Variants in BABAM2 observed in about 807,000 individuals in gnomAD.
BABAM2 encodes the protein BRISC and BRCA1-A complex member 2.
Under a neutral mutation model 54.7 loss-of-function variants are expected in BABAM2, and 31 were observed. The observed-to-expected ratio is 0.57, with a 90% CI of 0.43 to 0.77. The LOEUF is 0.77. Ranked by LOEUF, BABAM2 falls within the 30% of genes least tolerant of loss-of-function variation. BABAM2 has a pLI of 0.00. For missense variants in BABAM2, 364 were observed against 455.8 expected, an observed-to-expected ratio of 0.80 and a Z score of 1.83; for synonymous variants, 167 against 162.9, an observed-to-expected ratio of 1.03 and a Z score of -0.19.
intron 7 of BABAM2, among the ~76,000 whole-genome samples, chr2:28,223,417 C>T (rs578173564): frequency 1.3e-5 from 2 of 152,304 alleles, no homozygotes; most frequent in African/African-American, 4.8e-5. Context: ...GCCAGGCACC[C>T]GGGCTTGGCA....
chr2:27,929,963 G>A, intron 3 of BABAM2, 55 bp downstream of exon 3: 2 of 1,504,316 alleles, frequency 1.3e-6, no homozygotes, highest in Non-Finnish European at 1.8e-6. Flanking sequence ...TCAGCTATTG[G>A]ACTTTGTGCT....
At chr2:28,301,660 A>G (rs1320142632) in intron 11 of BABAM2, among the ~76,000 whole-genome samples, 1 of 151,872 alleles carries the variant, frequency 6.6e-6, no homozygotes, top group Non-Finnish European at 1.5e-5. Context: ...AAACAGACAC[A>G]TCCTTCAACC....
intron 4 of BABAM2, among the ~76,000 whole-genome samples, chr2:28,023,865 C>T (rs1263964310): frequency 6.6e-6 from 1 of 152,164 alleles, no homozygotes; most frequent in African/African-American, 2.4e-5. Context: ...AAAGTGTGGT[C>T]TGCAGACCTC....
chr2:27,888,989 T>C (rs1664629181), upstream of BABAM2, among the ~76,000 whole-genome samples: 1 of 152,228 alleles, frequency 6.6e-6, no homozygotes, highest in Non-Finnish European at 1.5e-5. Context: ...TCTGACAGAA[T>C]AGTTCTAATA....
chr2:28,040,706 G>A (rs963929309), intron 5 of BABAM2, among the ~76,000 whole-genome samples: 1 of 152,194 alleles, frequency 6.6e-6, no homozygotes, highest in Non-Finnish European at 1.5e-5. Context: ...ATGTATGATA[G>A]GCTTGAAAGT....
At chr2:28,211,995 T>C (rs1679510495) in intron 7 of BABAM2, among the ~76,000 whole-genome samples, 1 of 152,144 alleles carries the variant, frequency 6.6e-6, no homozygotes. Flanking sequence ...CCCATAAGTC[T>C]CTTAATCTAG....
At chr2:27,917,127 C>T (rs937283603) in intron 2 of BABAM2, among the ~76,000 whole-genome samples, 2 of 150,150 alleles carry the variant, frequency 1.3e-5, no homozygotes, top group Non-Finnish European at 2.9e-5. Context: ...AAGCGATTTT[C>T]CTGCCTCAGC....
At position 28,029,502 on chromosome 2, in the gene BABAM2, T is replaced by C. The variant is rs573798585; in HGVS notation, c.495+4082T>C. 4.6e-5 allele frequency among the ~76,000 whole-genome samples: 7 copies of C among 152,342 alleles called. No homozygotes were observed. The South Asian group carries it at 1.4e-3, about 32-fold the overall frequency. On this transcript the variant is annotated intron_variant, in intron 5 of 11. Coordinates refer to ENST00000379624, the MANE Select transcript of BABAM2 (RefSeq NM_199191.3). ...TTTCACTTAGCATAATGTCTGAGGT[T>C]CATCAATGTTGTAGCATGTGATAGG...
intron 10 of BABAM2, among the ~76,000 whole-genome samples, chr2:28,262,046 A>G (rs991883350): frequency 2.0e-5 from 3 of 152,196 alleles, no homozygotes; most frequent in African/African-American, 7.2e-5. Flanking sequence ...TTACGAGAAT[A>G]CAGTGAAGCG....
At chr2:27,933,425 A>G (rs1024447273) in intron 3 of BABAM2, among the ~76,000 whole-genome samples, 2 of 152,102 alleles carry the variant, frequency 1.3e-5, no homozygotes, top group Non-Finnish European at 2.9e-5. Context: ...CTATATTTAT[A>G]AAAGTTCATA....
chr2:28,022,948 G>T (rs774900254), intron 4 of BABAM2, among the ~76,000 whole-genome samples: 20 of 152,180 alleles, frequency 1.3e-4, no homozygotes, highest in Non-Finnish European at 2.6e-4. Context: ...AGGCAAAGTG[G>T]TTCAAACCAC....
intron 6 of BABAM2, among the ~76,000 whole-genome samples, chr2:28,076,267 C>A (rs879929361): frequency 5.3e-5 from 8 of 151,742 alleles, no homozygotes; most frequent in Non-Finnish European, 1.0e-4. Context: ...GAGCAAAACC[C>A]TTTCTCAAAA....
chr2:28,176,603 T>C (rs1481045595), intron 7 of BABAM2, among the ~76,000 whole-genome samples: 1 of 54,690 alleles, frequency 1.8e-5, no homozygotes, highest in Admixed American at 2.3e-4. Flanking sequence ...AAAACCTCAC[T>C]GAGATATAAG....
At chr2:28,201,985 C>T (rs752706753) in intron 7 of BABAM2, among the ~76,000 whole-genome samples, 4 of 152,126 alleles carry the variant, frequency 2.6e-5, no homozygotes, top group Non-Finnish European at 5.9e-5. Flanking sequence ...CCACGGGGCC[C>T]AGTTGGCCAG....
chr2:27,952,776 GTC>G (rs141294924), intron 3 of BABAM2, among the ~76,000 whole-genome samples: 1,590 of 152,222 alleles, frequency 0.01, 23 homozygotes, highest in African/African-American at 0.037. Context: ...TTTTCACTAG[GTC>G]TGCTTCAGGG....
rs114423746 is a variant in BABAM2 at position 28,232,503 on chromosome 2, G to C, written c.681-4699G>C. On this transcript the variant is annotated intron_variant, in intron 7 of 11. Transcript: ENST00000379624. Reference sequence around the variant, plus strand: ...AAATGTGTCATTAAGCAGTATTGTCGTTGTGCAAACATCATAGAATGTACC... The same window carrying C: ...AAATGTGTCATTAAGCAGTATTGTCCTTGTGCAAACATCATAGAATGTACC... 5.9e-5 allele frequency among the ~76,000 whole-genome samples: 9 copies of C among 152,172 alleles called. No homozygotes were observed. The East Asian group carries it at 1.7e-3, about 29-fold the overall frequency.
At chr2:27,891,965 A>G (rs909812924) in intron 1 of BABAM2, among the ~76,000 whole-genome samples, 1 of 152,104 alleles carries the variant, frequency 6.6e-6, no homozygotes, top group Non-Finnish European at 1.5e-5. Context: ...TAGGTCAGCA[A>G]TAGTCCAGTT....
chr2:27,963,587 A>G (rs145953508), intron 3 of BABAM2, among the ~76,000 whole-genome samples: 1 of 152,070 alleles, frequency 6.6e-6, no homozygotes, highest in African/African-American at 2.4e-5. Context: ...GCCAACATGG[A>G]TTTACATAGA....
intron 9 of BABAM2, among the ~76,000 whole-genome samples, chr2:28,243,051 G>T (rs1273572377): frequency 6.6e-6 from 1 of 152,098 alleles, no homozygotes; most frequent in Non-Finnish European, 1.5e-5. Flanking sequence ...TGAAGTATAA[G>T]AAATATATGA....
Sources: gnomAD v4.1 joint callset for allele counts (sites outside exome capture counted in the v4.1 genomes callset) on GRCh38, gnomAD v4.1.1 for gene constraint, MANE v1.5 for transcripts, NCBI Gene and HGNC (gene_info 2026-07-23, HGNC 2026-07-21) for gene names.